ROBO1: variants seen among roughly 807,000 people sequenced by gnomAD.
ROBO1 encodes the protein roundabout guidance receptor 1.
ROBO1 carries 149 observed loss-of-function variants against 195.9 expected under a neutral mutation model. The ratio of observed to expected loss-of-function variants is 0.76; its 90% CI spans 0.67 to 0.87. The LOEUF is 0.87. ROBO1 is among the 40% of genes least tolerant of loss of function. ROBO1 has a pLI of 0.00. For synonymous variants in ROBO1, 816 were observed against 733.2 expected, an observed-to-expected ratio of 1.11 and a Z score of -1.82; for missense variants, 1,933 against 2,068.3, an observed-to-expected ratio of 0.93 and a Z score of 1.27.
chr3:79,729,665 G>C (rs1277272802), intron 1 of ROBO1, among the ~76,000 whole-genome samples: 2 of 152,026 alleles, frequency 1.3e-5, no homozygotes, highest in Non-Finnish European at 2.9e-5. Flanking sequence ...ATTTTGCTTT[G>C]CATCATTGTT....
At chr3:78,655,492 C>T (rs998146) in intron 18 of ROBO1, among the ~76,000 whole-genome samples, 41,216 of 152,014 alleles carry the variant, frequency 0.27, 5,853 homozygotes, top group East Asian at 0.56. Context: ...CTAACCCATC[C>T]GCCTATGATC....
chr3:79,322,558 A>T (rs1044522452), intron 2 of ROBO1, among the ~76,000 whole-genome samples: 10 of 152,202 alleles, frequency 6.6e-5, no homozygotes, highest in Non-Finnish European at 1.5e-4. Context: ...AGGAAAGACA[A>T]CTAGGTGAGA....
chr3:78,685,138 A>T (rs1003687465), intron 10 of ROBO1, among the ~76,000 whole-genome samples: 1 of 152,150 alleles, frequency 6.6e-6, no homozygotes, highest in African/African-American at 2.4e-5. Context: ...ATATGAAAGA[A>T]AAAATACATA....
intron 1 of ROBO1, among the ~76,000 whole-genome samples, chr3:79,660,276 C>T (rs558391539): frequency 2.6e-5 from 4 of 151,428 alleles, no homozygotes; most frequent in South Asian, 2.1e-4. Context: ...GTGGAAGTCA[C>T]GACTAAAATG....
At chr3:79,532,776 A>C (rs896039561) in intron 2 of ROBO1, among the ~76,000 whole-genome samples, 6 of 152,176 alleles carry the variant, frequency 3.9e-5, no homozygotes, top group African/African-American at 1.4e-4. Flanking sequence ...GAGGGAAGCA[A>C]ATATCAGGAG....
At chr3:78,981,845 G>C (rs898937631) in intron 3 of ROBO1, among the ~76,000 whole-genome samples, 2 of 149,268 alleles carry the variant, frequency 1.3e-5, no homozygotes, top group Admixed American at 1.3e-4. Context: ...CCACAGTGAG[G>C]GACTTTCCCT....
At chr3:78,835,116 T>A (rs2032593905) in intron 4 of ROBO1, among the ~76,000 whole-genome samples, 1 of 152,190 alleles carries the variant, frequency 6.6e-6, no homozygotes, top group Admixed American at 6.5e-5. Flanking sequence ...TTTTGTCATC[T>A]AGTTTTTTCA....
Position 78,639,868 on chromosome 3 carries a change from G to A in ROBO1, c.2913C>T (p.Ala971=), listed in dbSNP as rs762238608. The A allele has an allele frequency of 6.2e-5, 99 of 1,607,316 alleles. 1 individual carries two copies. Among genetic ancestry groups the A allele is most frequent in the Admixed American group, 1.2e-4 (7 of 59,208 alleles). Residue 971 remains alanine, a synonymous_variant, in exon 22 of 31, where the codon GCC becomes GCT. Coordinates refer to ENST00000464233, the MANE Select transcript of ROBO1 (RefSeq NM_002941.4). ...ACGTGTCTGCCAGCCATGGCTGCGC[G>A]GCAGGTTCACTGATGTTGAGAAGTC... The part of the protein sequence containing the change: ...RPGLLNISEP[A]AQPWLADTWP...
intron 2 of ROBO1, among the ~76,000 whole-genome samples, chr3:79,457,000 CT>C (rs1402159105): frequency 2.0e-5 from 3 of 152,116 alleles, no homozygotes; most frequent in Admixed American, 2.0e-4. Context: ...CAAATAACAG[CT>C]TAAAATATTT....
intron 1 of ROBO1, among the ~76,000 whole-genome samples, chr3:79,594,399 A>C (rs1402120142): frequency 4.6e-5 from 7 of 152,052 alleles, no homozygotes; most frequent in Non-Finnish European, 8.8e-5. Context: ...GTGTATATAC[A>C]TATGGCTTTG....
At chr3:78,799,816 C>G (rs1019595648) in intron 4 of ROBO1, among the ~76,000 whole-genome samples, 4 of 152,188 alleles carry the variant, frequency 2.6e-5, no homozygotes, top group African/African-American at 9.7e-5. Flanking sequence ...CCCAGTGGGA[C>G]TCTCCTAATG....
At chr3:79,649,275 C>G (rs544183218) in intron 1 of ROBO1, among the ~76,000 whole-genome samples, 44 of 151,972 alleles carry the variant, frequency 2.9e-4, no homozygotes, top group African/African-American at 1.0e-3. Context: ...GCAAATAAAC[C>G]ATTGTTGAAC....
chr3:79,270,524 T>C (rs557017833), intron 2 of ROBO1, among the ~76,000 whole-genome samples: 154 of 151,712 alleles, frequency 1.0e-3, no homozygotes, highest in African/African-American at 2.2e-3. Flanking sequence ...GTTTTTTTTT[T>C]CCCCCAGGCT....
intron 3 of ROBO1, among the ~76,000 whole-genome samples, chr3:79,063,119 T>C (rs1242090318): frequency 6.6e-6 from 1 of 151,878 alleles, no homozygotes; most frequent in African/African-American, 2.4e-5. Flanking sequence ...AGTAGAACCA[T>C]GAACATAGCC....
chr3:79,567,712 T>C (rs1386795342), intron 2 of ROBO1, among the ~76,000 whole-genome samples: 1 of 152,122 alleles, frequency 6.6e-6, no homozygotes, highest in Non-Finnish European at 1.5e-5. Flanking sequence ...ATAATATACT[T>C]TTAACTGGTA....
chr3:78,819,310 T>C (rs542596688), intron 4 of ROBO1, among the ~76,000 whole-genome samples: 1 of 152,258 alleles, frequency 6.6e-6, no homozygotes, highest in East Asian at 1.9e-4. Context: ...TATCTTTAAT[T>C]ACCCCAAAGT....
At chr3:79,379,735 C>T (rs949299237) in intron 2 of ROBO1, among the ~76,000 whole-genome samples, 9 of 152,152 alleles carry the variant, frequency 5.9e-5, no homozygotes, top group Non-Finnish European at 1.2e-4. Context: ...GAAATTAATG[C>T]CATTTACTGT....
intron 10 of ROBO1, among the ~76,000 whole-genome samples, chr3:78,676,220 TG>T (rs1708414256): frequency 6.6e-6 from 1 of 151,856 alleles, no homozygotes. Flanking sequence ...ACCAGAAAGA[TG>T]GGGAAAAAAC....
At chr3:78,852,941 T>C (rs2034163781) in intron 4 of ROBO1, among the ~76,000 whole-genome samples, 1 of 152,122 alleles carries the variant, frequency 6.6e-6, no homozygotes, top group Non-Finnish European at 1.5e-5. Context: ...GAATGGTTCA[T>C]AGGTTTATGC....
Sources: allele counts gnomAD v4.1 joint callset (sites outside exome capture counted in the v4.1 genomes callset), GRCh38; gene constraint gnomAD v4.1.1; transcripts MANE v1.5; gene names NCBI Gene and HGNC (gene_info 2026-07-23, HGNC 2026-07-21).